The following DTNBP1 variants were observed in gnomAD, a reference collection of about 807,000 sequenced individuals.
DTNBP1 encodes the protein dysbindin.
DTNBP1 carries 35 observed loss-of-function variants against 42.8 expected under a neutral mutation model. The ratio of observed to expected loss-of-function variants is 0.82; its 90% CI spans 0.63 to 1.09. DTNBP1 has a LOEUF of 1.09. Ranked by LOEUF, DTNBP1 falls within the 50% of genes least tolerant of loss-of-function variation. DTNBP1 has a pLI of 0.00. For missense variants in DTNBP1, 457 were observed against 424.2 expected (o/e 1.08, Z -0.68); for synonymous variants, 171 against 162.2 (o/e 1.05, Z -0.41).
chr6:15,608,810 G>C (rs1324099218), intron 6 of DTNBP1, among the ~76,000 whole-genome samples: 1 of 152,102 alleles, frequency 6.6e-6, no homozygotes, highest in Non-Finnish European at 1.5e-5. Flanking sequence ...TTTGATTCCT[G>C]ATCCTTAATA....
At chr6:15,641,662 G>A (rs909822042) in intron 3 of DTNBP1, among the ~76,000 whole-genome samples, 4 of 152,064 alleles carry the variant, frequency 2.6e-5, no homozygotes, top group South Asian at 2.1e-4. Context: ...CTTGTCGTGC[G>A]CCAGCAGTGG....
intron 3 of DTNBP1, among the ~76,000 whole-genome samples, chr6:15,643,299 T>C (rs1433568230): frequency 6.6e-6 from 1 of 152,124 alleles, no homozygotes; most frequent in African/African-American, 2.4e-5. Context: ...TATGGGATTA[T>C]GTAAAGCAAA....
chr6:15,656,877 A>C (rs999559897), intron 1 of DTNBP1, among the ~76,000 whole-genome samples: 1 of 152,212 alleles, frequency 6.6e-6, no homozygotes, highest in Non-Finnish European at 1.5e-5. Context: ...CTTGTAACTC[A>C]ATTTCCAACT....
chr6:15,586,025 A>G, intron 7 of DTNBP1: 3 of 1,224,168 alleles, frequency 2.5e-6, no homozygotes, highest in Non-Finnish European at 3.1e-6. Context: ...AGATGTATGC[A>G]CCGGTCTGGG....
intron 6 of DTNBP1, among the ~76,000 whole-genome samples, chr6:15,599,228 G>T (rs1776629600): frequency 6.6e-6 from 1 of 152,180 alleles, no homozygotes; most frequent in African/African-American, 2.4e-5. Flanking sequence ...GATGAGACAG[G>T]GGTAAGGGAT....
At chr6:15,536,664 T>G (rs1180697674) in intron 7 of DTNBP1, among the ~76,000 whole-genome samples, 1 of 152,210 alleles carries the variant, frequency 6.6e-6, no homozygotes, top group African/African-American at 2.4e-5. Flanking sequence ...ATTAGGGCAG[T>G]GCAAATGGTA....
At chr6:15,614,282 T>C (rs1422315577) in intron 6 of DTNBP1, among the ~76,000 whole-genome samples, 2 of 151,990 alleles carry the variant, frequency 1.3e-5, no homozygotes, top group Non-Finnish European at 2.9e-5. Flanking sequence ...CTCCTGTCCA[T>C]GATAGCAACC....
chr6:15,576,052 G>A (rs1775549229), intron 7 of DTNBP1, among the ~76,000 whole-genome samples: 1 of 152,108 alleles, frequency 6.6e-6, no homozygotes, highest in Admixed American at 6.5e-5. Context: ...AGTTTTCTAA[G>A]ATATTATAGG....
intron 1 of DTNBP1, among the ~76,000 whole-genome samples, chr6:15,655,614 G>GTAGC (rs1761235542): frequency 7.0e-6 from 1 of 142,546 alleles, no homozygotes; most frequent in Non-Finnish European, 1.5e-5. Flanking sequence ...AAAAAACAAA[G>GTAGC]TAGCTATAGG....
chr6:15,566,701 C>CTTT (rs368168358), intron 7 of DTNBP1, among the ~76,000 whole-genome samples: 9 of 132,966 alleles, frequency 6.8e-5, no homozygotes, highest in African/African-American at 1.7e-4. Flanking sequence ...AATGAATCTC[C>CTTT]TTTTTTTTTT....
chr6:15,632,676 T>C (rs1004890702), intron 4 of DTNBP1, among the ~76,000 whole-genome samples: 1 of 152,242 alleles, frequency 6.6e-6, no homozygotes, highest in African/African-American at 2.4e-5. Context: ...TTGCTAAAAC[T>C]TTTTACCCTG....
At chr6:15,650,871 A>G (rs1760953750) in intron 3 of DTNBP1, among the ~76,000 whole-genome samples, 1 of 152,202 alleles carries the variant, frequency 6.6e-6, no homozygotes, top group Non-Finnish European at 1.5e-5. Flanking sequence ...GATTTTGACC[A>G]AGTCCATTGT....
intron 4 of DTNBP1, among the ~76,000 whole-genome samples, chr6:15,635,717 A>G (rs1759969233): frequency 1.3e-5 from 2 of 151,830 alleles, no homozygotes; most frequent in Admixed American, 1.3e-4. Context: ...CTTCTTTCAT[A>G]TTTTCCATTT....
intron 3 of DTNBP1, among the ~76,000 whole-genome samples, chr6:15,639,591 G>GT (rs1359490636): frequency 6.6e-6 from 1 of 152,184 alleles, no homozygotes; most frequent in African/African-American, 2.4e-5. Flanking sequence ...TGCTGTCATT[G>GT]TTGACTAACA....
intron 7 of DTNBP1, 190 bp from the exon 8 acceptor site, chr6:15,533,585 T>G (rs1773025274): frequency 1.0e-6 from 1 of 964,906 alleles, no homozygotes; most frequent in Non-Finnish European, 1.6e-6. Context: ...TCCCCCTACC[T>G]GGGCGGTCAG....
At chr6:15,566,312 C>T (rs1775076960) in intron 7 of DTNBP1, among the ~76,000 whole-genome samples, 1 of 96,552 alleles carries the variant, frequency 1.0e-5, no homozygotes, top group Non-Finnish European at 2.0e-5. Flanking sequence ...GAGACTCCGT[C>T]TCAAAAAAAA....
chr6:15,635,804 G>A (rs989681370), intron 4 of DTNBP1, among the ~76,000 whole-genome samples: 1 of 152,134 alleles, frequency 6.6e-6, no homozygotes, highest in African/African-American at 2.4e-5. Flanking sequence ...TCAAATTGCT[G>A]TTAAGCACAT....
chr6:15,547,088 G>GA (rs756337166), intron 7 of DTNBP1, among the ~76,000 whole-genome samples: 4 of 151,780 alleles, frequency 2.6e-5, no homozygotes, highest in Non-Finnish European at 2.9e-5. Flanking sequence ...AGTTTGAGGG[G>GA]AAAAAATGGA....
intron 1 of DTNBP1, 58 bp from the exon 2 acceptor site, chr6:15,652,198 T>G (rs529379582): frequency 1.4e-6 from 2 of 1,392,110 alleles, no homozygotes; most frequent in African/African-American, 1.4e-5. Context: ...TATTATTTTT[T>G]TGAGACAGGG....
Sources: gnomAD v4.1 joint callset for allele counts (sites outside exome capture counted in the v4.1 genomes callset) on GRCh38, gnomAD v4.1.1 for gene constraint, MANE v1.5 for transcripts, NCBI Gene and HGNC (gene_info 2026-07-23, HGNC 2026-07-21) for gene names.